SMARCC1: variants seen among roughly 807,000 people sequenced by gnomAD.
SMARCC1 encodes the protein SWI/SNF related BAF chromatin remodeling complex subunit C1.
In SMARCC1, 43 loss-of-function variants were observed where a neutral mutation model predicts 147.4. The observed-to-expected ratio is 0.29, with a 90% CI of 0.23 to 0.38. The LOEUF (loss-of-function observed/expected upper bound fraction) is 0.38, where lower values mean the gene tolerates loss of function less well. Ranked by LOEUF, SMARCC1 falls within the 10% of genes least tolerant of loss-of-function variation. The probability of loss-of-function intolerance (pLI) is 1.00; values close to 1 mark genes in which losing one functional copy is unlikely to be tolerated. For synonymous variants in SMARCC1, 495 were observed against 484.4 expected, an observed-to-expected ratio of 1.02 and a Z score of -0.29; for missense variants, 1,119 against 1,381.1, an observed-to-expected ratio of 0.81 and a Z score of 3.01.
chr3:47,656,976 C>G (rs111686412), intron 21 of SMARCC1, among the ~76,000 whole-genome samples: 3 of 151,954 alleles, frequency 2.0e-5, no homozygotes, highest in Non-Finnish European at 2.9e-5. Flanking sequence ...TGAAATGGCA[C>G]GCTAATATCA....
intron 26 of SMARCC1, chr3:47,604,423 T>A (rs1410261542): frequency 5.1e-6 from 2 of 393,904 alleles, no homozygotes; most frequent in Non-Finnish European, 1.0e-5. Flanking sequence ...CTGACCCAGA[T>A]AATCTTCAGC....
chr3:47,636,901 A>C (rs2032978302), intron 22 of SMARCC1, among the ~76,000 whole-genome samples: 1 of 152,040 alleles, frequency 6.6e-6, no homozygotes, highest in Admixed American at 6.6e-5. Context: ...ATCAACAAAG[A>C]AGCAAGTTGA....
At position 47,635,255 on chromosome 3, in the gene SMARCC1, T is replaced by C; in HGVS notation, c.2581A>G (p.Ile861Val). ...DTGKKKVEHE[I>V]SEGNVATAAA... is the part of the protein sequence containing the mutation. Reference sequence around the variant, plus strand: ...GCTGTGGCAACATTTCCTTCGGAAATTTCATGTTCTACTTTCTTCTTCCCA... The same window carrying C: ...GCTGTGGCAACATTTCCTTCGGAAACTTCATGTTCTACTTTCTTCTTCCCA... The change falls in exon 24 of 28, where the codon ATT (isoleucine) becomes GTT (valine). Residue 861 changes from isoleucine (I) to valine (V), a missense_variant. By Grantham distance (29) the Ile-to-Val change is conservative. Around this residue, in one of 6 missense-constraint regions of SMARCC1, gnomAD observed 157 missense variants for 158.6 expected, o/e 0.99. Transcript: ENST00000254480. 6.2e-7 allele frequency: 1 copy of C among 1,613,778 alleles called. No individual in the cohort carries two copies.
intron 26 of SMARCC1, among the ~76,000 whole-genome samples, chr3:47,600,681 G>T (rs1439032148): frequency 2.6e-5 from 4 of 152,082 alleles, no homozygotes; most frequent in Non-Finnish European, 4.4e-5. Context: ...AACTTCCAAG[G>T]ATGAAATCTG....
rs941019319 is a variant in SMARCC1 at position 47,657,228 on chromosome 3, T to C, written c.2320+4066A>G. On this transcript the variant is annotated intron_variant, in intron 21 of 27. Transcript: ENST00000254480. ...GGTATGCAAAAGATAAACAAGGAAGTAGACAACTTGAACAACCCTATCCAA... is the reference window on the plus strand; with the variant it reads ...GGTATGCAAAAGATAAACAAGGAAGCAGACAACTTGAACAACCCTATCCAA... 5.9e-5 allele frequency among the ~76,000 whole-genome samples: 9 copies of C among 152,226 alleles called. No individual in the cohort carries two copies. In the South Asian group the frequency reaches 1.2e-3, roughly 21 times the overall value.
chr3:47,752,264 G>A (rs1344674395), intron 2 of SMARCC1, among the ~76,000 whole-genome samples: 3 of 152,092 alleles, frequency 2.0e-5, no homozygotes, highest in African/African-American at 4.8e-5. Flanking sequence ...AAATGAAAAC[G>A]TGAGAAATCA....
At chr3:47,735,918 G>C (rs2034437101) in intron 5 of SMARCC1, 116 bp downstream of exon 5, 2 of 398,226 alleles carry the variant, frequency 5.0e-6, no homozygotes, top group Admixed American at 4.6e-5. Context: ...AATTTCTTTT[G>C]ATGCAAATAT....
chr3:47,625,883 G>A (rs1388573905), intron 24 of SMARCC1, among the ~76,000 whole-genome samples: 4 of 151,886 alleles, frequency 2.6e-5, no homozygotes, highest in Admixed American at 6.6e-5. Flanking sequence ...GAGGCCAGGC[G>A]CAGTTGCCTA....
At chr3:47,620,074 T>C (rs1290287379) in intron 25 of SMARCC1, among the ~76,000 whole-genome samples, 1 of 152,198 alleles carries the variant, frequency 6.6e-6, no homozygotes, top group Non-Finnish European at 1.5e-5. Flanking sequence ...GATAAAAAAG[T>C]CAAAATCGTC....
At chr3:47,662,206 G>A in intron 20 of SMARCC1, 128 bp downstream of exon 20, 1 of 820,922 alleles carries the variant, frequency 1.2e-6, no homozygotes, top group Non-Finnish European at 1.9e-6. Context: ...AAAGAATATG[G>A]TATCTTTCAC....
At chr3:47,667,227 AG>A (rs1188028791) in intron 19 of SMARCC1, among the ~76,000 whole-genome samples, 8 of 151,884 alleles carry the variant, frequency 5.3e-5, no homozygotes, top group African/African-American at 1.9e-4. Flanking sequence ...CCGAGGCAGG[AG>A]AATAGTGTGA....
intron 26 of SMARCC1, among the ~76,000 whole-genome samples, chr3:47,591,585 T>C (rs925723808): frequency 1.3e-5 from 2 of 151,814 alleles, no homozygotes; most frequent in Non-Finnish European, 2.9e-5. Flanking sequence ...CTGTGTTGCC[T>C]AGGCTGGAGT....
rs1379039489 is a variant in SMARCC1 at position 47,781,748 on chromosome 3, G to A, written c.50C>T (p.Thr17Met). The A allele has an allele frequency of 4.6e-6, 7 of 1,536,870 alleles. No homozygotes were observed. The African/African-American group carries it at 8.6e-5, about 19-fold the overall frequency. ...GGGPGTAVGA[T>M]GSGIAAAAAG... ...GGCTGCCGCCGCAATCCCCGAGCCC[G>A]TGGCGCCTACCGCTGTCCCCGGCCC... Residue 17 changes from threonine to methionine, a missense_variant, in exon 1 of 28, where the codon ACG becomes ATG. By Grantham distance (81) the Thr-to-Met change is moderately conservative. Transcript: ENST00000254480.
chr3:47,762,971 CAGG>C (rs2034791603), intron 2 of SMARCC1, among the ~76,000 whole-genome samples: 1 of 151,594 alleles, frequency 6.6e-6, no homozygotes, highest in Non-Finnish European at 1.5e-5. Flanking sequence ...GAGGCTGAGG[CAGG>C]AGAATTGCTT....
At chr3:47,663,833 C>A in intron 19 of SMARCC1, 2 of 1,579,754 alleles carry the variant, frequency 1.3e-6, no homozygotes, top group Admixed American at 1.7e-5. Flanking sequence ...CAACAGCCAG[C>A]GCTCTCAGCT....
chr3:47,618,844 T>C (rs1421072794), intron 25 of SMARCC1, among the ~76,000 whole-genome samples: 2 of 152,156 alleles, frequency 1.3e-5, no homozygotes, highest in Non-Finnish European at 2.9e-5. Flanking sequence ...CCAAACTAGA[T>C]ATATTCTGTA....
At chr3:47,695,818 G>A (rs1019098836) in intron 11 of SMARCC1, among the ~76,000 whole-genome samples, 17 of 139,770 alleles carry the variant, frequency 1.2e-4, no homozygotes, top group African/African-American at 4.4e-4. Flanking sequence ...TGTAATCCCA[G>A]CACTTTAGGC....
chr3:47,775,843 C>T (rs542944992), intron 1 of SMARCC1, among the ~76,000 whole-genome samples: 2 of 151,490 alleles, frequency 1.3e-5, no homozygotes, highest in African/African-American at 2.4e-5. Flanking sequence ...TATGTACCCA[C>T]AAAAATTAAA....
chr3:47,759,005 G>A (rs1023632746), intron 2 of SMARCC1, among the ~76,000 whole-genome samples: 12 of 125,434 alleles, frequency 9.6e-5, no homozygotes, highest in Admixed American at 8.7e-4. Context: ...CAACAAGAGC[G>A]AAACTCTGAC....
Sources: allele counts gnomAD v4.1 joint callset (sites outside exome capture counted in the v4.1 genomes callset), GRCh38; gene constraint gnomAD v4.1.1; regional missense constraint gnomAD v4.1.1; transcripts MANE v1.5; gene names NCBI Gene and HGNC (gene_info 2026-07-23, HGNC 2026-07-21).